SUFU: variants seen among roughly 807,000 people sequenced by gnomAD.
SUFU encodes SUFU negative regulator of hedgehog signaling, also known as suppressor of fused homolog.
In SUFU, 7 loss-of-function variants were observed where a neutral mutation model predicts 58.9. The observed-to-expected ratio is 0.12, with a 90% confidence interval of 0.07 to 0.22. The LOEUF is 0.22. SUFU is among the 10% of genes least tolerant of loss of function. SUFU has a pLI of 1.00. For missense variants in SUFU, 451 were observed against 641.3 expected (o/e 0.70, Z 3.20); for synonymous variants, 232 against 254.8 (o/e 0.91, Z 0.85).
chr10:102,506,965 C>G (rs541448902), intron 1 of SUFU, among the ~76,000 whole-genome samples: 1 of 152,328 alleles, frequency 6.6e-6, no homozygotes, highest in Non-Finnish European at 1.5e-5. Context: ...TGGCCCACTT[C>G]AGTCCTGCAA....
intron 3 of SUFU, among the ~76,000 whole-genome samples, chr10:102,584,629 A>G (rs548961088): frequency 3.7e-4 from 57 of 152,320 alleles, no homozygotes; most frequent in Non-Finnish European, 5.4e-4. Context: ...ACATTTTGTT[A>G]TATTATCCTG....
chr10:102,630,110 G>A lies in SUFU; in HGVS notation c.1410G>A (p.Lys470=), dbSNP rs1218945033. Residue 470 remains lysine, a synonymous_variant, in exon 12 of 12, where the codon AAG becomes AAA. Coordinates refer to ENST00000369902, the MANE Select transcript of SUFU (RefSeq NM_016169.4). ...KEYSWPEKKL[K]VSILPDVVFD... is the part of the protein sequence containing the mutation. Reference sequence around the variant, plus strand: ...ACAGCTGGCCTGAAAAGAAGCTGAAGGTCTCCATCCTGCCTGACGTGGTGT... The same window carrying A: ...ACAGCTGGCCTGAAAAGAAGCTGAAAGTCTCCATCCTGCCTGACGTGGTGT... The A allele has an allele frequency of 1.2e-6, 2 of 1,614,086 alleles. No individual in the cohort carries two copies. The highest frequency in any genetic ancestry group is 1.7e-6 in the Non-Finnish European group (2 of 1,180,046).
At chr10:102,627,137 T>C in intron 10 of SUFU, 38 bp from the exon 11 acceptor site, 1 of 1,609,712 alleles carries the variant, frequency 6.2e-7, no homozygotes, top group Non-Finnish European at 8.5e-7. Context: ...ATCATACATT[T>C]AAAAATAATA....
chr10:102,556,031 G>A (rs1317753805), intron 3 of SUFU, among the ~76,000 whole-genome samples: 1 of 152,242 alleles, frequency 6.6e-6, no homozygotes, highest in Non-Finnish European at 1.5e-5. Context: ...GCTCAGCAGT[G>A]TAATCAAGCA....
intron 3 of SUFU, among the ~76,000 whole-genome samples, chr10:102,570,235 T>TTATTA (rs959909496): frequency 0.2 from 14 of 70 alleles, no homozygotes; most frequent in African/African-American, 0.44. Context: ...GAGAGAATAT[T>TTATTA]TATTTATTTA....
At chr10:102,578,388 G>T (rs2063237124) in intron 3 of SUFU, among the ~76,000 whole-genome samples, 1 of 152,056 alleles carries the variant, frequency 6.6e-6, no homozygotes, top group South Asian at 2.1e-4. Context: ...GACCAGCCTG[G>T]CCAACATGGT....
rs1476803495 is a variant in SUFU at position 102,632,657 on chromosome 10, T to G, written c.*2502T>G. On this transcript the variant is annotated 3_prime_UTR_variant, in exon 12 of 12. Coordinates refer to ENST00000369902, the MANE Select transcript of SUFU (RefSeq NM_016169.4). ...CTCCCTGCAGCTCTGAGGGAGCCCCTGACCTTGTAGTGGGTGGAGGAGGTA... is the reference window on the plus strand; with the variant it reads ...CTCCCTGCAGCTCTGAGGGAGCCCCGGACCTTGTAGTGGGTGGAGGAGGTA... The G allele has an allele frequency of 2.1e-5, 5 of 233,366 alleles. No individual in the cohort carries two copies. The East Asian group carries it at 3.0e-4, about 14-fold the overall frequency. 14.5% of individuals were successfully genotyped at this position (233,366 alleles called of 1,614,324 possible). A position where few individuals can be genotyped will look rare whatever the true frequency, so the allele number is the denominator to read the frequency against.
intron 3 of SUFU, among the ~76,000 whole-genome samples, chr10:102,583,167 T>G (rs1193858167): frequency 1.3e-5 from 2 of 152,194 alleles, no homozygotes; most frequent in Non-Finnish European, 2.9e-5. Flanking sequence ...ATGAACTCAT[T>G]GTGGCTTTGT....
At chr10:102,561,247 A>G (rs1362161615) in intron 3 of SUFU, among the ~76,000 whole-genome samples, 1 of 152,238 alleles carries the variant, frequency 6.6e-6, no homozygotes, top group African/African-American at 2.4e-5. Flanking sequence ...AAGGATTTTT[A>G]AAGTGAGGAG....
chr10:102,580,683 C>T (rs2063267720), intron 3 of SUFU, among the ~76,000 whole-genome samples: 1 of 152,118 alleles, frequency 6.6e-6, no homozygotes, highest in African/African-American at 2.4e-5. Flanking sequence ...CTGGAGGAGG[C>T]TCTGTGTCTT....
At chr10:102,536,268 G>T (rs1414084133) in intron 2 of SUFU, among the ~76,000 whole-genome samples, 3 of 151,278 alleles carry the variant, frequency 2.0e-5, no homozygotes, top group Non-Finnish European at 4.4e-5. Flanking sequence ...ACTGTGCCTG[G>T]CCAGGAGATT....
At chr10:102,542,034 G>A (rs535899133) in intron 2 of SUFU, among the ~76,000 whole-genome samples, 5 of 151,242 alleles carry the variant, frequency 3.3e-5, no homozygotes, top group Admixed American at 3.3e-4. Flanking sequence ...ACAGGCATGC[G>A]CCACCATGCC....
chr10:102,619,512 G>A lies in SUFU; in HGVS notation c.1296+2084G>A. 3.6e-6 allele frequency: 4 copies of A among 1,119,310 alleles called. No homozygotes were observed. Among genetic ancestry groups the A allele is most frequent in the Non-Finnish European group, 1.1e-6 (1 of 912,166 alleles). The allele number at this position is 1,119,310 out of a possible 1,614,324, so 69.3% of individuals were successfully genotyped here. A position where few individuals can be genotyped will look rare whatever the true frequency, so the allele number is the denominator to read the frequency against. On this transcript the variant is annotated intron_variant, in intron 10 of 11. Transcript: ENST00000369902. The surrounding 1 kb of genome is among the most constrained non-coding windows in gnomAD (Gnocchi z 4.2). ...ATTAGTGTGGTCCACCACGGGGCCG[G>A]CTCACAGGAGAGCTCCTGGGAAGGC...
Position 102,617,395 on chromosome 10 carries a change from G to C in SUFU, c.1263G>C (p.Glu421Asp). 6.2e-7 allele frequency: 1 copy of C among 1,614,242 alleles called. No individual in the cohort carries two copies. Among genetic ancestry groups the C allele is most frequent in the Non-Finnish European group, 8.5e-7 (1 of 1,180,042 alleles). The change falls in exon 10 of 12, where the codon GAG (glutamate) becomes GAC (aspartate). Residue 421 changes from glutamate (E) to aspartate (D), a missense_variant. By Grantham distance (45) the Glu-to-Asp change is conservative. Coordinates refer to ENST00000369902, the MANE Select transcript of SUFU (RefSeq NM_016169.4). This position sits in a 1 kb window ranked among gnomAD's most constrained non-coding sequence, Gnocchi z 4.4. ...TGGAAGGCGCCTTTGCCACTGAGGA[G>C]CATCCTTACGCGGCTCATGGACCCT... ...TGVEGAFATE[E>D]HPYAAHGPWL... is the part of the protein sequence containing the mutation.
chr10:102,507,778 A>G (rs1451007417), intron 1 of SUFU, among the ~76,000 whole-genome samples: 2 of 152,182 alleles, frequency 1.3e-5, no homozygotes, highest in African/African-American at 2.4e-5. Flanking sequence ...TTCCACCAGC[A>G]TGCTATCCCA....
chr10:102,614,036 TATC>T (rs1251340455), intron 8 of SUFU, among the ~76,000 whole-genome samples: 1 of 152,226 alleles, frequency 6.6e-6, no homozygotes, highest in Non-Finnish European at 1.5e-5. Flanking sequence ...GTACAGATTG[TATC>T]ATCATCTGGT....
At chr10:102,614,236 C>T (rs182799770) in intron 8 of SUFU, among the ~76,000 whole-genome samples, 1 of 152,144 alleles carries the variant, frequency 6.6e-6, no homozygotes, top group Non-Finnish European at 1.5e-5. Context: ...CAGGGAAAGA[C>T]AAGCCACTGT....
chr10:102,598,311 G>A (rs373884388), intron 7 of SUFU, among the ~76,000 whole-genome samples: 33 of 152,006 alleles, frequency 2.2e-4, no homozygotes, highest in East Asian at 1.9e-3. Context: ...AGCCACCAAC[G>A]CCCAGCTAAT....
chr10:102,522,803 A>G (rs1488284283), intron 2 of SUFU, among the ~76,000 whole-genome samples: 2 of 152,098 alleles, frequency 1.3e-5, no homozygotes, highest in Non-Finnish European at 2.9e-5. Context: ...TGCTCCGTAG[A>G]TTGTCATCGT....
Sources: allele counts gnomAD v4.1 joint callset (sites outside exome capture counted in the v4.1 genomes callset), GRCh38; gene constraint gnomAD v4.1.1; non-coding constraint Gnocchi (gnomAD v3.1); transcripts MANE v1.5; gene names NCBI Gene and HGNC (gene_info 2026-07-23, HGNC 2026-07-21).